Variants in GTF2B observed in about 807,000 individuals in gnomAD.
GTF2B encodes general transcription factor IIB, also known as transcription initiation factor IIB.
Under a neutral mutation model 34.6 loss-of-function variants are expected in GTF2B, and 20 were observed. That is an observed-to-expected ratio of 0.58 (90% CI 0.41 to 0.84). The LOEUF (loss-of-function observed/expected upper bound fraction) is 0.84. Ranked by LOEUF, GTF2B falls within the 40% of genes least tolerant of loss-of-function variation. The pLI, the probability that GTF2B is intolerant of heterozygous loss-of-function variation, is 0.00. For missense variants in GTF2B, 237 were observed against 393.3 expected, an observed-to-expected ratio of 0.60 and a Z score of 3.36; for synonymous variants, 142 against 132.4, an observed-to-expected ratio of 1.07 and a Z score of -0.50.
At chr1:88,889,078 G>A (rs189712306) in intron 1 of GTF2B, among the ~76,000 whole-genome samples, 6 of 152,108 alleles carry the variant, frequency 3.9e-5, no homozygotes, top group Admixed American at 6.6e-5. Flanking sequence ...GGTCACTTTC[G>A]TGGGGGAAGA....
intron 2 of GTF2B, among the ~76,000 whole-genome samples, chr1:88,874,634 C>G (rs1240057069): frequency 2.6e-5 from 4 of 151,566 alleles, no homozygotes; most frequent in African/African-American, 9.7e-5. Flanking sequence ...AAGCCCCTGG[C>G]TCCTCAGAAA....
At chr1:88,868,479 C>A (rs1247529571) in intron 2 of GTF2B, among the ~76,000 whole-genome samples, 1 of 151,874 alleles carries the variant, frequency 6.6e-6, no homozygotes, top group South Asian at 2.1e-4. Context: ...AAAGAGTAAA[C>A]GCACCCAATA....
At chr1:88,871,415 AG>A (rs912452081) in intron 2 of GTF2B, among the ~76,000 whole-genome samples, 1 of 152,230 alleles carries the variant, frequency 6.6e-6, no homozygotes, top group Non-Finnish European at 1.5e-5. Context: ...TCAAGGTGAC[AG>A]GATCTTTATC....
At chr1:88,875,804 T>G (rs886681031) in intron 2 of GTF2B, among the ~76,000 whole-genome samples, 6 of 152,216 alleles carry the variant, frequency 3.9e-5, no homozygotes, top group Non-Finnish European at 8.8e-5. Context: ...TACAGCATTC[T>G]CATCTTTCTA....
chr1:88,868,683 T>A (rs1673613738), intron 2 of GTF2B, among the ~76,000 whole-genome samples: 1 of 152,130 alleles, frequency 6.6e-6, no homozygotes, highest in African/African-American at 2.4e-5. Context: ...TTGGCACCTA[T>A]CTTACAATCT....
At position 88,891,506 on chromosome 1, in the gene GTF2B, G is replaced by A. The variant is rs766667785; in HGVS notation, c.-7C>T. ...ACCGGCTGGTAGACGCCATCTTCACGGCGACTGCGGTGCCCGCAACAAGAC... is the reference window on the plus strand; with the variant it reads ...ACCGGCTGGTAGACGCCATCTTCACAGCGACTGCGGTGCCCGCAACAAGAC... On this transcript the variant is annotated 5_prime_UTR_variant, in exon 1 of 7. Transcript: ENST00000370500. The A allele has an allele frequency of 3.1e-6, 5 of 1,601,856 alleles. No homozygotes were observed. The highest frequency in any genetic ancestry group is 3.3e-4 in the Middle Eastern group (2 of 6,042).
intron 2 of GTF2B, among the ~76,000 whole-genome samples, chr1:88,880,414 G>A (rs1673909486): frequency 6.6e-6 from 1 of 152,156 alleles, no homozygotes; most frequent in South Asian, 2.1e-4. Flanking sequence ...TTAAACCAGC[G>A]AGCTGATGCA....
chr1:88,859,735 C>T, intron 5 of GTF2B, 147 bp downstream of exon 5: 2 of 611,090 alleles, frequency 3.3e-6, no homozygotes, highest in East Asian at 5.7e-5. Flanking sequence ...ACTCAGGAGG[C>T]TGAGGCAGGA....
chr1:88,884,638 A>T (rs1413350750), intron 2 of GTF2B, among the ~76,000 whole-genome samples: 6 of 152,208 alleles, frequency 3.9e-5, no homozygotes, highest in East Asian at 3.8e-4. Flanking sequence ...CCTCAGTTTC[A>T]TTCTTTTATT....
intron 2 of GTF2B, among the ~76,000 whole-genome samples, chr1:88,868,349 T>C (rs1457871775): frequency 6.6e-6 from 1 of 152,218 alleles, no homozygotes; most frequent in African/African-American, 2.4e-5. Flanking sequence ...AACCACACAC[T>C]GTAGTCTATG....
intron 2 of GTF2B, among the ~76,000 whole-genome samples, chr1:88,884,463 T>A (rs549247159): frequency 7.1e-4 from 108 of 152,362 alleles, no homozygotes; most frequent in African/African-American, 2.0e-3. Context: ...TGTCCTCAAC[T>A]CTTCAAGCAA....
intron 2 of GTF2B, among the ~76,000 whole-genome samples, chr1:88,874,184 GGAAA>G (rs1673761728): frequency 6.6e-6 from 1 of 152,150 alleles, no homozygotes; most frequent in African/African-American, 2.4e-5. Flanking sequence ...ATCGTGCAGG[GGAAA>G]TTGCAACACA....
intron 2 of GTF2B, among the ~76,000 whole-genome samples, chr1:88,871,521 A>G (rs938667231): frequency 6.6e-6 from 1 of 152,138 alleles, no homozygotes; most frequent in African/African-American, 2.4e-5. Flanking sequence ...AGTGACAGTA[A>G]CATTTCCACT....
intron 2 of GTF2B, among the ~76,000 whole-genome samples, chr1:88,878,926 T>C (rs974226168): frequency 6.6e-6 from 1 of 152,200 alleles, no homozygotes; most frequent in African/African-American, 2.4e-5. Context: ...GAAGAAGTTA[T>C]CATAGAAGCA....
intron 2 of GTF2B, among the ~76,000 whole-genome samples, chr1:88,877,935 A>G (rs1255788166): frequency 6.6e-6 from 1 of 152,096 alleles, no homozygotes. Flanking sequence ...GGTCTCAAAA[A>G]CAAAACAAAC....
At chr1:88,872,137 A>G (rs909890350) in intron 2 of GTF2B, among the ~76,000 whole-genome samples, 1 of 152,290 alleles carries the variant, frequency 6.6e-6, no homozygotes, top group African/African-American at 2.4e-5. Flanking sequence ...TAATCTGTCA[A>G]TATGATTTTA....
intron 2 of GTF2B, among the ~76,000 whole-genome samples, chr1:88,873,242 G>A (rs1214850059): frequency 6.7e-6 from 1 of 148,450 alleles, no homozygotes; most frequent in East Asian, 2.0e-4. Flanking sequence ...CAGGCTGGAG[G>A]GCAGTGGCAC....
intron 6 of GTF2B, among the ~76,000 whole-genome samples, chr1:88,854,787 C>T (rs569963952): frequency 2.6e-5 from 4 of 152,344 alleles, no homozygotes; most frequent in East Asian, 1.9e-4. Context: ...TGAGCCACCA[C>T]GCCTGGCCTA....
intron 2 of GTF2B, among the ~76,000 whole-genome samples, chr1:88,874,381 A>T (rs1026686018): frequency 6.6e-6 from 1 of 151,722 alleles, no homozygotes; most frequent in African/African-American, 2.4e-5. Flanking sequence ...TGACACAATC[A>T]TATCACTGCA....
Sources: allele counts gnomAD v4.1 joint callset (sites outside exome capture counted in the v4.1 genomes callset), GRCh38; gene constraint gnomAD v4.1.1; transcripts MANE v1.5; gene names NCBI Gene and HGNC (gene_info 2026-07-23, HGNC 2026-07-21).